The following CDKAL1 variants were observed in gnomAD, a reference collection of about 807,000 sequenced individuals.
The protein encoded by CDKAL1 is threonylcarbamoyladenosine tRNA methylthiotransferase.
In CDKAL1, 32 loss-of-function variants were observed where a neutral mutation model predicts 68.2. That is an observed-to-expected ratio of 0.47 (90% CI 0.35 to 0.63). CDKAL1 has a LOEUF of 0.63. Ranked by LOEUF, CDKAL1 falls within the 30% of genes least tolerant of loss-of-function variation. CDKAL1 has a pLI of 0.00. For synonymous variants in CDKAL1, 234 were observed against 244.3 expected, an observed-to-expected ratio of 0.96 and a Z score of 0.39; for missense variants, 606 against 696.7, an observed-to-expected ratio of 0.87 and a Z score of 1.47.
At chr6:20,928,725 A>G (rs1411192354) in intron 9 of CDKAL1, among the ~76,000 whole-genome samples, 1 of 127,100 alleles carries the variant, frequency 7.9e-6, no homozygotes, top group Non-Finnish European at 1.6e-5. Flanking sequence ...TAGAGACAGG[A>G]TCTTGCTATG....
At chr6:20,791,185 G>C (rs182806271) in intron 8 of CDKAL1, among the ~76,000 whole-genome samples, 133 of 152,254 alleles carry the variant, frequency 8.7e-4, no homozygotes, top group African/African-American at 2.9e-3. Flanking sequence ...CCTCTCTATA[G>C]GTTTCAGTTT....
At chr6:20,693,023 G>A (rs898296600) in intron 5 of CDKAL1, among the ~76,000 whole-genome samples, 1 of 151,420 alleles carries the variant, frequency 6.6e-6, no homozygotes, top group African/African-American at 2.4e-5. Flanking sequence ...CCAGCTACTC[G>A]GGAGGCTGAG....
At chr6:21,146,889 C>T (rs1326755470) in intron 13 of CDKAL1, among the ~76,000 whole-genome samples, 1 of 150,856 alleles carries the variant, frequency 6.6e-6, no homozygotes, top group Non-Finnish European at 1.5e-5. Flanking sequence ...CTTGAGTTTA[C>T]CTTTCTATCC....
chr6:21,161,686 T>G (rs370269758), intron 13 of CDKAL1, among the ~76,000 whole-genome samples: 84 of 152,330 alleles, frequency 5.5e-4, no homozygotes, highest in African/African-American at 1.2e-3. Context: ...GTCTCAAAAT[T>G]CACTCTTCTG....
At chr6:20,759,836 GA>G (rs1012229875) in intron 7 of CDKAL1, among the ~76,000 whole-genome samples, 2 of 152,106 alleles carry the variant, frequency 1.3e-5, no homozygotes, top group African/African-American at 4.8e-5. Flanking sequence ...TAGCACAAAT[GA>G]AAACCAATAA....
At chr6:20,745,528 T>C (rs1026192749) in intron 6 of CDKAL1, among the ~76,000 whole-genome samples, 1 of 152,196 alleles carries the variant, frequency 6.6e-6, no homozygotes, top group Non-Finnish European at 1.5e-5. Flanking sequence ...TTTATGTTTT[T>C]CCCTTCCTTG....
At chr6:20,599,922 G>T (rs1319951571) in intron 4 of CDKAL1, among the ~76,000 whole-genome samples, 1 of 152,106 alleles carries the variant, frequency 6.6e-6, no homozygotes, top group Non-Finnish European at 1.5e-5. Flanking sequence ...GTAGTATCAT[G>T]TCAGAATGTC....
intron 13 of CDKAL1, among the ~76,000 whole-genome samples, chr6:21,148,322 T>A (rs1776271871): frequency 6.6e-6 from 1 of 152,214 alleles, no homozygotes; most frequent in Non-Finnish European, 1.5e-5. Flanking sequence ...AATTTGGGGT[T>A]GTCCTTTTCT....
At chr6:20,797,134 T>C (rs1372329575) in intron 8 of CDKAL1, among the ~76,000 whole-genome samples, 1 of 152,152 alleles carries the variant, frequency 6.6e-6, no homozygotes, top group Non-Finnish European at 1.5e-5. Flanking sequence ...ATACACAGCA[T>C]AGGACTTGTA....
At chr6:20,919,918 T>A (rs554849899) in intron 9 of CDKAL1, among the ~76,000 whole-genome samples, 4 of 152,166 alleles carry the variant, frequency 2.6e-5, no homozygotes, top group Non-Finnish European at 5.9e-5. Context: ...TCTGCTTAGA[T>A]TCCAGGTTTG....
At chr6:20,745,313 G>A (rs1157439903) in intron 6 of CDKAL1, among the ~76,000 whole-genome samples, 1 of 152,184 alleles carries the variant, frequency 6.6e-6, no homozygotes, top group Admixed American at 6.5e-5. Flanking sequence ...CGTACACCAT[G>A]TTGCAAAAGG....
chr6:20,882,487 T>C (rs1386842538), intron 9 of CDKAL1, among the ~76,000 whole-genome samples: 3 of 152,248 alleles, frequency 2.0e-5, no homozygotes, highest in Non-Finnish European at 4.4e-5. Context: ...TTTGTTAGTC[T>C]AATTTACAGG....
At chr6:20,831,709 A>C (rs1208929858) in intron 8 of CDKAL1, among the ~76,000 whole-genome samples, 1 of 152,166 alleles carries the variant, frequency 6.6e-6, no homozygotes, top group East Asian at 1.9e-4. Context: ...CGCACATCAC[A>C]ATCTGATCAA....
intron 9 of CDKAL1, among the ~76,000 whole-genome samples, chr6:20,865,969 C>G (rs1759885986): frequency 6.6e-6 from 1 of 152,142 alleles, no homozygotes; most frequent in Non-Finnish European, 1.5e-5. Flanking sequence ...AAACCGAGTA[C>G]TTCAGAAGTG....
Position 21,192,355 on chromosome 6 carries a change from G to C in CDKAL1, c.1300-5666G>C, listed in dbSNP as rs554992137. 1.3e-3 allele frequency among the ~76,000 whole-genome samples: 199 copies of C among 152,084 alleles called. 1 individual carries two copies. Among genetic ancestry groups the C allele is most frequent in the Non-Finnish European group, 2.5e-3 (167 of 68,036 alleles). Reference sequence around the variant, plus strand: ...TTTTCATAAAATATCTTTAAATAACGTTAAAATGATGAAATGAAGTTCTGT... The same window carrying C: ...TTTTCATAAAATATCTTTAAATAACCTTAAAATGATGAAATGAAGTTCTGT... On this transcript the variant is annotated intron_variant, in intron 13 of 15. Coordinates refer to ENST00000274695, the MANE Select transcript of CDKAL1 (RefSeq NM_017774.3).
chr6:20,543,330 T>C (rs1163171460), intron 2 of CDKAL1, among the ~76,000 whole-genome samples: 2 of 152,240 alleles, frequency 1.3e-5, no homozygotes, highest in Non-Finnish European at 2.9e-5. Flanking sequence ...CGGTGTTTGG[T>C]GGTTTCACTG....
chr6:20,806,988 C>T (rs994685535), intron 8 of CDKAL1, among the ~76,000 whole-genome samples: 23 of 152,100 alleles, frequency 1.5e-4, no homozygotes, highest in Non-Finnish European at 1.0e-4. Flanking sequence ...TTGTATTATT[C>T]GTCACTAGAT....
At chr6:20,817,332 T>C (rs1777089017) in intron 8 of CDKAL1, among the ~76,000 whole-genome samples, 2 of 152,220 alleles carry the variant, frequency 1.3e-5, no homozygotes, top group African/African-American at 4.8e-5. Flanking sequence ...TATTTTCTTT[T>C]GTTTACATTT....
intron 11 of CDKAL1, among the ~76,000 whole-genome samples, chr6:21,056,657 G>GT (rs1434928674): frequency 8.3e-4 from 127 of 152,240 alleles, no homozygotes; most frequent in African/African-American, 3.0e-3. Flanking sequence ...TTGGCTGTGG[G>GT]TTTGTCATAA....
Sources: gnomAD v4.1 joint callset for allele counts (sites outside exome capture counted in the v4.1 genomes callset) on GRCh38, gnomAD v4.1.1 for gene constraint, MANE v1.5 for transcripts, NCBI Gene and HGNC (gene_info 2026-07-23, HGNC 2026-07-21) for gene names.